MKLN1: variants seen among roughly 807,000 people sequenced by gnomAD.
MKLN1 encodes muskelin.
A neutral mutation model predicts 99.0 loss-of-function variants in MKLN1; 18 were observed. The observed-to-expected ratio is 0.18, with a 90% CI of 0.13 to 0.27. MKLN1 has a LOEUF of 0.27. MKLN1 is among the 10% of genes least tolerant of loss of function. The pLI is 1.00. For synonymous variants in MKLN1, 288 were observed against 293.2 expected (o/e 0.98, Z 0.18); for missense variants, 621 against 875.9 (o/e 0.71, Z 3.67).
Position 131,183,424 on chromosome 7 carries a change from C to G in MKLN1, c.-296-19433C>G, listed in dbSNP as rs367943903. Among the ~76,000 whole-genome samples the G allele has an allele frequency of 1.1e-4, 16 of 152,258 alleles. No homozygotes were observed. The East Asian group carries it at 1.2e-3, about 11-fold the overall frequency. On this transcript the variant is annotated intron_variant, in intron 2 of 7. Transcript: ENST00000416992. Reference sequence around the variant, plus strand: ...CCTGTAATCATTCCCTCTTGATCACCCACTATTGTACTCCTTCATTCTCTG... The same window carrying G: ...CCTGTAATCATTCCCTCTTGATCACGCACTATTGTACTCCTTCATTCTCTG...
At chr7:131,349,787 C>G (rs540829876) in intron 1 of MKLN1, among the ~76,000 whole-genome samples, 1 of 152,164 alleles carries the variant, frequency 6.6e-6, no homozygotes, top group South Asian at 2.1e-4. Flanking sequence ...TGTTAGCGAG[C>G]TTTTTAGTTT....
chr7:131,243,182 T>C (rs1216802753), intron 3 of MKLN1, among the ~76,000 whole-genome samples: 1 of 152,224 alleles, frequency 6.6e-6, no homozygotes, highest in Non-Finnish European at 1.5e-5. Flanking sequence ...TTGGTTTACG[T>C]TGTCTGAATT....
At chr7:131,409,350 G>A (rs1307283772) in intron 6 of MKLN1, among the ~76,000 whole-genome samples, 1 of 152,206 alleles carries the variant, frequency 6.6e-6, no homozygotes, top group African/African-American at 2.4e-5. Context: ...TTGTTTTTAG[G>A]TTGCGAAAGT....
At chr7:131,174,953 TGATA>T (rs150554970) in intron 2 of MKLN1, among the ~76,000 whole-genome samples, 32,061 of 140,560 alleles carry the variant, frequency 0.23, 3,724 homozygotes, top group Non-Finnish European at 0.25. Context: ...AACTGGTAGA[TGATA>T]GATAGATAGA....
intron 12 of MKLN1, among the ~76,000 whole-genome samples, chr7:131,459,768 T>TGC (rs1796461180): frequency 1.3e-5 from 2 of 152,234 alleles, no homozygotes; most frequent in Non-Finnish European, 2.9e-5. Context: ...GATATATGTG[T>TGC]GCACCATCTT....
intron 3 of MKLN1, among the ~76,000 whole-genome samples, chr7:131,234,416 C>T (rs1464627082): frequency 1.3e-5 from 2 of 152,144 alleles, no homozygotes; most frequent in Non-Finnish European, 2.9e-5. Context: ...GCCAGTTTCC[C>T]TGCTTCCTAG....
Position 131,209,418 on chromosome 7 carries a change from T to A in MKLN1, c.-179+6444T>A, listed in dbSNP as rs139338102. ...TGGTCTAGGATACTAGCAGTGAAGA[T>A]GAGGAGCGCTGGGTGTATGGGGTGT... On this transcript the variant is annotated intron_variant, in intron 3 of 7. Coordinates refer to the MKLN1 transcript ENST00000416992. Among the ~76,000 whole-genome samples, 182 of 152,252 alleles carry A rather than the reference T, an allele frequency of 1.2e-3. 2 individuals carry two copies. Among genetic ancestry groups the A allele is most frequent in the African/African-American group, 4.2e-3 (175 of 41,544 alleles).
chr7:131,369,458 CAG>C (rs1161277840), intron 1 of MKLN1, among the ~76,000 whole-genome samples: 1 of 152,068 alleles, frequency 6.6e-6, no homozygotes, highest in African/African-American at 2.4e-5. Context: ...AGACAATACA[CAG>C]GGATTTTGAG....
chr7:131,197,351 G>T (rs1385166797), intron 2 of MKLN1, among the ~76,000 whole-genome samples: 1 of 150,844 alleles, frequency 6.6e-6, no homozygotes, highest in South Asian at 2.1e-4. Flanking sequence ...CTACAAATGC[G>T]TGCCACCATG....
chr7:131,480,801 T>A (rs1471887553), intron 17 of MKLN1, among the ~76,000 whole-genome samples: 1 of 152,224 alleles, frequency 6.6e-6, no homozygotes, highest in African/African-American at 2.4e-5. Context: ...TTTAAATGAT[T>A]ATGTGCCTTA....
At chr7:131,438,069 A>G in intron 10 of MKLN1, 72 bp downstream of exon 10, 2 of 1,199,140 alleles carry the variant, frequency 1.7e-6, no homozygotes, top group Non-Finnish European at 2.5e-6. Flanking sequence ...AGTTTATGTT[A>G]GATGTTATGC....
chr7:131,133,819 G>GTTTTTTTTTTTTT (rs1563226557), intron 1 of MKLN1, among the ~76,000 whole-genome samples: 3 of 67,238 alleles, frequency 4.5e-5, no homozygotes, highest in Admixed American at 1.8e-4. Flanking sequence ...TTTTTAATTT[G>GTTTTTTTTTTTTT]GTTTTTTTTT....
intron 3 of MKLN1, among the ~76,000 whole-genome samples, chr7:131,247,863 C>T (rs1041748299): frequency 7.2e-6 from 1 of 138,956 alleles, no homozygotes; most frequent in Non-Finnish European, 1.6e-5. Flanking sequence ...CTTCTCTCTG[C>T]TACTGCCTTT....
In MKLN1 at chr7:131,490,428, C is replaced by T. The variant is rs935878723; in HGVS notation, c.*2700C>T. Reference sequence around the variant, plus strand: ...GTGCTTGTACTTCATGAGAAATAATCTGATTTTCAAGACACCTCTTAAGTG... The same window carrying T: ...GTGCTTGTACTTCATGAGAAATAATTTGATTTTCAAGACACCTCTTAAGTG... On this transcript the variant is annotated 3_prime_UTR_variant, in exon 18 of 18. Transcript: ENST00000352689. 6.6e-6 allele frequency: 1 copy of T among 152,536 alleles called. No homozygotes were observed. Among genetic ancestry groups the T allele is most frequent in the African/African-American group, 2.4e-5 (1 of 41,440 alleles). The allele number at this position is 152,536 out of a possible 1,614,324, so 9.4% of individuals were successfully genotyped here.
chr7:131,342,754 G>A (rs528123739), intron 1 of MKLN1, among the ~76,000 whole-genome samples: 4 of 152,332 alleles, frequency 2.6e-5, no homozygotes, highest in African/African-American at 9.6e-5. Flanking sequence ...AGGTCTGAAA[G>A]TTTAAGTCTT....
intron 1 of MKLN1, among the ~76,000 whole-genome samples, chr7:131,352,789 C>T (rs1277539410): frequency 1.3e-5 from 2 of 152,188 alleles, no homozygotes; most frequent in East Asian, 1.9e-4. Context: ...CAACTTGATA[C>T]ACAGGTTCAT....
intron 3 of MKLN1, among the ~76,000 whole-genome samples, chr7:131,240,699 A>G (rs889245839): frequency 1.3e-5 from 2 of 152,256 alleles, no homozygotes; most frequent in African/African-American, 4.8e-5. Flanking sequence ...ATAACCATTT[A>G]TGGCAAATAA....
intron 2 of MKLN1, among the ~76,000 whole-genome samples, chr7:131,183,333 A>C (rs1380983739): frequency 1.3e-5 from 2 of 152,178 alleles, no homozygotes; most frequent in Admixed American, 6.5e-5. Flanking sequence ...GTGCTTTCTG[A>C]GGACCTATAC....
At chr7:131,411,226 T>C in intron 6 of MKLN1, 80 bp from the exon 7 acceptor site, 1 of 827,116 alleles carries the variant, frequency 1.2e-6, no homozygotes, top group Non-Finnish European at 1.9e-6. Context: ...TAATGTAGCC[T>C]TTTAAATTTT....
Sources: allele counts gnomAD v4.1 joint callset (sites outside exome capture counted in the v4.1 genomes callset), GRCh38; gene constraint gnomAD v4.1.1; transcripts MANE v1.5; gene names NCBI Gene and HGNC (gene_info 2026-07-23, HGNC 2026-07-21).